FSTL5: variants seen among roughly 807,000 people sequenced by gnomAD.
FSTL5 encodes the protein follistatin like 5, also known as follistatin-related protein 5.
In FSTL5, 62 loss-of-function variants were observed where a neutral mutation model predicts 89.1. The ratio of observed to expected loss-of-function variants is 0.70; its 90% CI spans 0.57 to 0.86. The LOEUF is 0.86. FSTL5 is among the 40% of genes least tolerant of loss of function. The pLI is 0.00. For synonymous variants in FSTL5, 383 were observed against 346.2 expected (o/e 1.11, Z -1.18); for missense variants, 1,057 against 1,001.6 (o/e 1.06, Z -0.75).
chr4:162,019,721 C>CA (rs1737015090), intron 3 of FSTL5, among the ~76,000 whole-genome samples: 1 of 150,954 alleles, frequency 6.6e-6, no homozygotes, highest in Non-Finnish European at 1.5e-5. Flanking sequence ...TGGTTTTAGC[C>CA]ATTAAATAAA....
chr4:161,708,968 A>G (rs1254491740), intron 6 of FSTL5, among the ~76,000 whole-genome samples: 1 of 152,168 alleles, frequency 6.6e-6, no homozygotes, highest in African/African-American at 2.4e-5. Flanking sequence ...GTTTTATATC[A>G]TAACTGTTGT....
intron 4 of FSTL5, among the ~76,000 whole-genome samples, chr4:161,843,599 T>C (rs1171093402): frequency 6.6e-6 from 1 of 152,108 alleles, no homozygotes; most frequent in African/African-American, 2.4e-5. Context: ...AACAGATATA[T>C]AGACCAATGG....
chr4:161,848,450 T>C (rs1731446038), intron 4 of FSTL5, among the ~76,000 whole-genome samples: 1 of 152,172 alleles, frequency 6.6e-6, no homozygotes, highest in South Asian at 2.1e-4. Context: ...AAAGAAGTAA[T>C]GTTCTATAAT....
At chr4:162,000,642 C>T (rs1241363596) in intron 3 of FSTL5, among the ~76,000 whole-genome samples, 1 of 150,416 alleles carries the variant, frequency 6.6e-6, no homozygotes, top group Admixed American at 6.6e-5. Flanking sequence ...AATATATATA[C>T]AAAATGATAA....
intron 6 of FSTL5, among the ~76,000 whole-genome samples, chr4:161,705,946 ATGTG>A (rs747996918): frequency 1.4e-3 from 64 of 45,064 alleles, no homozygotes; most frequent in African/African-American, 3.9e-3. Flanking sequence ...GTGTGTGTAG[ATGTG>A]TGTATATATA....
chr4:161,807,644 GA>G (rs1730010613), intron 4 of FSTL5, among the ~76,000 whole-genome samples: 2 of 151,962 alleles, frequency 1.3e-5, no homozygotes, highest in Admixed American at 6.6e-5. Context: ...ATAAATGAAT[GA>G]AAAAACGAAC....
intron 1 of FSTL5, among the ~76,000 whole-genome samples, chr4:162,134,404 T>C (rs1046788400): frequency 6.6e-6 from 1 of 152,182 alleles, no homozygotes; most frequent in African/African-American, 2.4e-5. Context: ...TAATGTGTAA[T>C]TGGTTGATGA....
At chr4:161,986,710 G>A (rs573948242) in intron 3 of FSTL5, among the ~76,000 whole-genome samples, 2 of 152,102 alleles carry the variant, frequency 1.3e-5, no homozygotes, top group Non-Finnish European at 2.9e-5. Flanking sequence ...TTTTCACCTT[G>A]TGAATTAACA....
At chr4:161,408,599 G>A (rs1181267390) in intron 15 of FSTL5, among the ~76,000 whole-genome samples, 1 of 152,050 alleles carries the variant, frequency 6.6e-6, no homozygotes, top group Admixed American at 6.6e-5. Context: ...TGACATATAT[G>A]GAATTCAGAA....
At chr4:162,043,003 G>C (rs962501565) in intron 2 of FSTL5, among the ~76,000 whole-genome samples, 1 of 150,428 alleles carries the variant, frequency 6.6e-6, no homozygotes, top group Non-Finnish European at 1.5e-5. Context: ...GCTAGATGAC[G>C]AGTTAGTGGG....
chr4:161,524,383 G>T (rs924201362), intron 10 of FSTL5, among the ~76,000 whole-genome samples: 2 of 151,886 alleles, frequency 1.3e-5, no homozygotes, highest in Non-Finnish European at 2.9e-5. Context: ...TGACCACCCG[G>T]GGCACATCTT....
At chr4:161,457,753 G>A (rs1396430926) in intron 14 of FSTL5, among the ~76,000 whole-genome samples, 1 of 151,678 alleles carries the variant, frequency 6.6e-6, no homozygotes, top group Non-Finnish European at 1.5e-5. Flanking sequence ...TATATATATT[G>A]ACCTGTTTTA....
intron 5 of FSTL5, among the ~76,000 whole-genome samples, chr4:161,773,685 T>A (rs980884007): frequency 2.6e-5 from 4 of 151,700 alleles, no homozygotes; most frequent in Non-Finnish European, 4.4e-5. Flanking sequence ...TCTAAACTTT[T>A]AAAAAAAATG....
At chr4:161,634,144 C>T (rs966980392) in intron 7 of FSTL5, among the ~76,000 whole-genome samples, 9 of 152,184 alleles carry the variant, frequency 5.9e-5, no homozygotes, top group African/African-American at 2.2e-4. Context: ...GACCATGCTC[C>T]AATATGACTT....
At chr4:161,888,165 T>A (rs1298448067) in intron 4 of FSTL5, among the ~76,000 whole-genome samples, 1 of 152,200 alleles carries the variant, frequency 6.6e-6, no homozygotes, top group African/African-American at 2.4e-5. Flanking sequence ...AAAACTAGAC[T>A]GCATTTCCCA....
intron 4 of FSTL5, among the ~76,000 whole-genome samples, chr4:161,916,759 A>G (rs1244534129): frequency 1.3e-5 from 2 of 152,252 alleles, no homozygotes; most frequent in East Asian, 3.9e-4. Flanking sequence ...AAAAGTCAAT[A>G]ATAATAAAAA....
At chr4:161,629,505 G>A (rs928214056) in intron 7 of FSTL5, among the ~76,000 whole-genome samples, 3 of 151,956 alleles carry the variant, frequency 2.0e-5, no homozygotes, top group Non-Finnish European at 1.5e-5. Context: ...ACCACACCTG[G>A]CTAAGTTTTT....
At chr4:161,524,371 C>A (rs1252460732) in intron 10 of FSTL5, among the ~76,000 whole-genome samples, 2 of 152,016 alleles carry the variant, frequency 1.3e-5, no homozygotes, top group Admixed American at 1.3e-4. Flanking sequence ...CAAGCTATAT[C>A]CTGACCACCC....
At chr4:162,077,434 C>T (rs1308890215) in intron 2 of FSTL5, among the ~76,000 whole-genome samples, 1 of 151,866 alleles carries the variant, frequency 6.6e-6, no homozygotes, top group Non-Finnish European at 1.5e-5. Context: ...TTCTGTCTTG[C>T]TTAAAGACAC....
Sources: gnomAD v4.1 joint callset for allele counts (sites outside exome capture counted in the v4.1 genomes callset) on GRCh38, gnomAD v4.1.1 for gene constraint, MANE v1.5 for transcripts, NCBI Gene and HGNC (gene_info 2026-07-23, HGNC 2026-07-21) for gene names.